Variants in VPS13B observed in about 807,000 individuals in gnomAD.
VPS13B encodes intermembrane lipid transfer protein VPS13B.
VPS13B carries 285 observed loss-of-function variants against 426.4 expected under a neutral mutation model. The observed-to-expected ratio is 0.67, with a 90% CI of 0.61 to 0.74. The LOEUF (loss-of-function observed/expected upper bound fraction) is 0.74, where lower values mean the gene tolerates loss of function less well. Ranked by LOEUF, VPS13B falls within the 30% of genes least tolerant of loss-of-function variation. The probability of loss-of-function intolerance (pLI) is 0.00; values close to 1 mark genes in which losing one functional copy is unlikely to be tolerated. For missense variants in VPS13B, 4,537 were observed against 4,782.6 expected (o/e 0.95, Z 1.51); for synonymous variants, 1,676 against 1,676.4 (o/e 1.00, Z 0.01).
intron 39 of VPS13B, among the ~76,000 whole-genome samples, chr8:99,730,714 T>A (rs958216933): frequency 6.7e-6 from 1 of 149,842 alleles, no homozygotes; most frequent in African/African-American, 2.4e-5. Context: ...AAGGTACCTG[T>A]AGGTACAGGT....
At chr8:99,325,222 A>G (rs1337226778) in intron 19 of VPS13B, among the ~76,000 whole-genome samples, 1 of 152,224 alleles carries the variant, frequency 6.6e-6, no homozygotes, top group African/African-American at 2.4e-5. Context: ...AAGTGTTGGA[A>G]TTACAGGCAT....
rs1221072414 is a variant in VPS13B, at chr8:99,199,434, G to T, written c.2515+6377G>T. Among the ~76,000 whole-genome samples, 3 of 151,932 alleles carry T rather than the reference G, an allele frequency of 2.0e-5. No individual in the cohort carries two copies. The East Asian group carries it at 5.8e-4, about 29-fold the overall frequency. Reference sequence around the variant, plus strand: ...GATCCGTCTGCCTCGGCCTCCCAAAGTGCTGGGATTACAGGCATGAGCCAC... The same window carrying T: ...GATCCGTCTGCCTCGGCCTCCCAAATTGCTGGGATTACAGGCATGAGCCAC... On this transcript the variant is annotated intron_variant, in intron 17 of 61. Transcript: ENST00000357162.
intron 16 of VPS13B, among the ~76,000 whole-genome samples, chr8:99,184,905 C>T (rs1038152478): frequency 3.3e-5 from 5 of 152,142 alleles, no homozygotes; most frequent in African/African-American, 1.2e-4. Context: ...GCACGAGAGT[C>T]TCTTGAACCT....
intron 3 of VPS13B, among the ~76,000 whole-genome samples, chr8:99,069,487 T>C (rs1246363666): frequency 6.6e-6 from 1 of 152,218 alleles, no homozygotes; most frequent in African/African-American, 2.4e-5. Context: ...ATAATGACGT[T>C]TGTCAATTAT....
intron 17 of VPS13B, among the ~76,000 whole-genome samples, chr8:99,251,070 C>T (rs796820076): frequency 4.6e-5 from 7 of 151,994 alleles, no homozygotes; most frequent in African/African-American, 1.7e-4. Context: ...TTTAAGATTC[C>T]TTGAGATTTA....
rs1820171669 is a variant in VPS13B at position 99,483,919 on chromosome 8, C to T, written c.3870+2117C>T. Among the ~76,000 whole-genome samples the T allele has an allele frequency of 2.0e-5, 3 of 151,770 alleles. No homozygotes were observed. The South Asian group carries it at 6.2e-4, about 32-fold the overall frequency. On this transcript the variant is annotated intron_variant, in intron 25 of 61. Transcript: ENST00000357162. ...AGCATTGTGCAGTGTACAAACAACA[C>T]AAAAGGACATGATGGCCCTGATGTG...
intron 36 of VPS13B, among the ~76,000 whole-genome samples, chr8:99,707,170 T>G (rs144998345): frequency 7.2e-5 from 11 of 152,198 alleles, no homozygotes; most frequent in African/African-American, 2.6e-4. Context: ...ATAGCAGTAG[T>G]TTGTATAAAG....
intron 17 of VPS13B, among the ~76,000 whole-genome samples, chr8:99,205,386 G>A (rs1436479175): frequency 1.3e-5 from 2 of 152,156 alleles, no homozygotes; most frequent in Admixed American, 1.3e-4. Context: ...GATAGCATTA[G>A]AAGAAATATC....
At chr8:99,865,922 CA>C (rs954647400) in intron 58 of VPS13B, among the ~76,000 whole-genome samples, 1 of 152,218 alleles carries the variant, frequency 6.6e-6, no homozygotes, top group African/African-American at 2.4e-5. Context: ...GAGCAAGTCA[CA>C]GAAAGAGGTA....
At chr8:99,085,967 G>A (rs1183740273) in intron 3 of VPS13B, among the ~76,000 whole-genome samples, 2 of 152,122 alleles carry the variant, frequency 1.3e-5, no homozygotes, top group Admixed American at 6.6e-5. Flanking sequence ...GAGTATCTTT[G>A]TTGCGTTTTC....
At chr8:99,443,072 A>G (rs1294251507) in intron 23 of VPS13B, among the ~76,000 whole-genome samples, 1 of 152,102 alleles carries the variant, frequency 6.6e-6, no homozygotes, top group East Asian at 1.9e-4. Flanking sequence ...ATTTGTTTAT[A>G]CAAAGTAATT....
In VPS13B at chr8:99,877,014, C is replaced by A. The variant is rs1817728940; in HGVS notation, c.*1348C>A. On this transcript the variant is annotated 3_prime_UTR_variant, in exon 62 of 62. Coordinates refer to ENST00000357162, the MANE Select transcript of VPS13B (RefSeq NM_152564.5). ...ACTACACCACCACAGGTATGCACCA[C>A]CATACCTGGCTGATTTTTAAAATTT... is the stretch of plus-strand genomic sequence containing the variant. 6.6e-6 allele frequency: 1 copy of A among 152,146 alleles called. No individual in the cohort carries two copies. Among genetic ancestry groups the A allele is most frequent in the South Asian group, 2.1e-4 (1 of 4,828 alleles). 9.4% of individuals were successfully genotyped at this position (152,146 alleles called of 1,614,324 possible).
At position 99,408,990 on chromosome 8, in the gene VPS13B, G is replaced by T. The variant is rs900971700; in HGVS notation, c.3082+17286G>T. ...ACAATGGCTCTAAAAAACTACCACA[G>T]AAATTTTAGTGACTCAACATAGCAG... On this transcript the variant is annotated intron_variant, in intron 21 of 61. Transcript: ENST00000357162. Among the ~76,000 whole-genome samples, 3 of 152,250 alleles carry T rather than the reference G, an allele frequency of 2.0e-5. No homozygotes were observed. The East Asian group carries it at 5.8e-4, about 29-fold the overall frequency.
At chr8:99,744,770 TGA>T (rs1254974550) in intron 39 of VPS13B, among the ~76,000 whole-genome samples, 3 of 140,182 alleles carry the variant, frequency 2.1e-5, no homozygotes, top group Non-Finnish European at 4.5e-5. Flanking sequence ...AATTGAACAA[TGA>T]GAATACATGG....
chr8:99,096,239 A>G (rs1846408621), intron 3 of VPS13B, 73 bp from the exon 4 acceptor site: 8 of 1,569,318 alleles, frequency 5.1e-6, no homozygotes, highest in Non-Finnish European at 6.1e-6. Context: ...AACTGCATAT[A>G]TTAAAAAATT....
intron 23 of VPS13B, among the ~76,000 whole-genome samples, chr8:99,465,198 A>T (rs1450968333): frequency 6.6e-6 from 1 of 152,134 alleles, no homozygotes; most frequent in East Asian, 1.9e-4. Context: ...TTTTGCCAGT[A>T]TTATAAGTAG....
chr8:99,049,436 T>A (rs1843413050), intron 3 of VPS13B, among the ~76,000 whole-genome samples: 1 of 152,132 alleles, frequency 6.6e-6, no homozygotes, highest in Non-Finnish European at 1.5e-5. Flanking sequence ...TTTTGCTGGA[T>A]ACAAAATTCT....
At chr8:99,670,171 A>G (rs1830650002) in intron 35 of VPS13B, among the ~76,000 whole-genome samples, 1 of 152,088 alleles carries the variant, frequency 6.6e-6, no homozygotes, top group South Asian at 2.1e-4. Flanking sequence ...ACTCAGACAT[A>G]TCTGAAGGTA....
intron 30 of VPS13B, among the ~76,000 whole-genome samples, chr8:99,526,276 G>A (rs531030010): frequency 5.3e-5 from 8 of 152,268 alleles, no homozygotes; most frequent in African/African-American, 1.9e-4. Context: ...TGAGTTAACT[G>A]AATATATGAT....
Sources: allele counts gnomAD v4.1 joint callset (sites outside exome capture counted in the v4.1 genomes callset), GRCh38; gene constraint gnomAD v4.1.1; transcripts MANE v1.5; gene names NCBI Gene and HGNC (gene_info 2026-07-23, HGNC 2026-07-21).